PTCHD4: variants seen among roughly 807,000 people sequenced by gnomAD.
PTCHD4 encodes the protein patched domain containing 4, also known as patched domain-containing protein 4.
In PTCHD4, 33 loss-of-function variants were observed where a neutral mutation model predicts 58.1. That is an observed-to-expected ratio of 0.57 (90% CI 0.43 to 0.76). The LOEUF is 0.76. PTCHD4 is among the 30% of genes least tolerant of loss of function. The pLI is 0.00. For synonymous variants in PTCHD4, 478 were observed against 409.6 expected, an observed-to-expected ratio of 1.17 and a Z score of -2.02; for missense variants, 1,058 against 1,027.1, an observed-to-expected ratio of 1.03 and a Z score of -0.41.
intron 4 of PTCHD4, among the ~76,000 whole-genome samples, chr6:47,945,648 T>A (rs1766387893): frequency 6.6e-6 from 1 of 152,002 alleles, no homozygotes; most frequent in African/African-American, 2.4e-5. Context: ...GGTTGAATGA[T>A]GAAGCTGAAG....
At chr6:48,014,105 T>C (rs971537014) in intron 3 of PTCHD4, among the ~76,000 whole-genome samples, 1 of 152,112 alleles carries the variant, frequency 6.6e-6, no homozygotes, top group Admixed American at 6.6e-5. Context: ...ATATAACAAA[T>C]AGAAAGAATT....
intron 4 of PTCHD4, among the ~76,000 whole-genome samples, chr6:47,962,309 C>T (rs1010460797): frequency 5.3e-5 from 8 of 152,190 alleles, no homozygotes; most frequent in South Asian, 2.1e-4. Context: ...ATTCAGGCAA[C>T]GAAGCTTCTG....
chr6:48,089,030 G>A (rs563972639), intron 1 of PTCHD4, among the ~76,000 whole-genome samples: 3 of 152,200 alleles, frequency 2.0e-5, no homozygotes, highest in African/African-American at 7.2e-5. Flanking sequence ...TAGGCAGCAA[G>A]AGTGAAGCTC....
At chr6:48,041,163 G>T (rs10456131) in intron 3 of PTCHD4, among the ~76,000 whole-genome samples, 28,678 of 151,954 alleles carry the variant, frequency 0.19, 3,075 homozygotes, top group South Asian at 0.26. Context: ...AACTGATTTA[G>T]ACCACAGAAT....
chr6:48,053,931 T>TC (rs1242168458), intron 3 of PTCHD4, among the ~76,000 whole-genome samples: 1 of 152,152 alleles, frequency 6.6e-6, no homozygotes, highest in Non-Finnish European at 1.5e-5. Flanking sequence ...AAGCTGAGTT[T>TC]CAGGGAAAGC....
At chr6:47,990,714 T>C (rs958817254) in intron 4 of PTCHD4, among the ~76,000 whole-genome samples, 6 of 152,178 alleles carry the variant, frequency 3.9e-5, no homozygotes, top group Non-Finnish European at 8.8e-5. Context: ...ATCAGCAGTA[T>C]GAAAATGGAC....
At chr6:47,965,816 G>C (rs1367822830) in intron 4 of PTCHD4, among the ~76,000 whole-genome samples, 1 of 152,122 alleles carries the variant, frequency 6.6e-6, no homozygotes, top group East Asian at 1.9e-4. Flanking sequence ...TCGGGAGGCT[G>C]AGGCAGGAGA....
chr6:47,862,926 T>C lies in PTCHD4; in HGVS notation c.*15377A>G, dbSNP rs1163894661. Among the ~76,000 whole-genome samples, 1 of 151,916 alleles carries C rather than the reference T, an allele frequency of 6.6e-6. No individual in the cohort carries two copies. The highest frequency in any genetic ancestry group is 1.5e-5 in the Non-Finnish European group (1 of 67,882). Reference sequence around the variant, plus strand: ...CCCATGGTCAATTATATCTGGGAAATCAAATACTGTCTTTATGCTACTGGA... The same window carrying C: ...CCCATGGTCAATTATATCTGGGAAACCAAATACTGTCTTTATGCTACTGGA... On this transcript the variant is annotated 3_prime_UTR_variant, in exon 5 of 5. Coordinates refer to ENST00000339488, the MANE Select transcript of PTCHD4 (RefSeq NM_001384253.1).
At chr6:47,929,626 T>C (rs1765741921) in intron 4 of PTCHD4, among the ~76,000 whole-genome samples, 1 of 152,228 alleles carries the variant, frequency 6.6e-6, no homozygotes, top group African/African-American at 2.4e-5. Flanking sequence ...GATGTGAAAT[T>C]ATTATTTTCC....
At chr6:47,880,805 C>A (rs1292818514) in intron 4 of PTCHD4, among the ~76,000 whole-genome samples, 1 of 152,184 alleles carries the variant, frequency 6.6e-6, no homozygotes, top group Non-Finnish European at 1.5e-5. Flanking sequence ...AGCTACTGAG[C>A]TGTAATTTTG....
intron 4 of PTCHD4, among the ~76,000 whole-genome samples, chr6:47,903,462 A>T (rs530672296): frequency 5.3e-5 from 8 of 152,050 alleles, no homozygotes; most frequent in Non-Finnish European, 1.2e-4. Context: ...GACTCTAGGC[A>T]TGCACAACCA....
chr6:48,045,208 A>C (rs1009237290), intron 3 of PTCHD4, among the ~76,000 whole-genome samples: 2 of 151,834 alleles, frequency 1.3e-5, no homozygotes, highest in Admixed American at 1.3e-4. Context: ...TGCATGCTGT[A>C]CTTCTAAAAA....
intron 1 of PTCHD4, among the ~76,000 whole-genome samples, chr6:48,103,192 G>A (rs1765644514): frequency 6.6e-6 from 1 of 152,198 alleles, no homozygotes; most frequent in African/African-American, 2.4e-5. Flanking sequence ...GCCTAACTGG[G>A]AGACACCCCC....
In PTCHD4 at chr6:47,872,514, C is replaced by T. The variant is rs910287185; in HGVS notation, c.*5789G>A. ...CAGATAAGTGCAATGAAATCATACA[C>T]AGCAGGAATCACACACCATCAGTGG... On this transcript the variant is annotated 3_prime_UTR_variant, in exon 5 of 5. Coordinates refer to ENST00000339488, the MANE Select transcript of PTCHD4 (RefSeq NM_001384253.1). 6.6e-6 allele frequency among the ~76,000 whole-genome samples: 1 copy of T among 151,646 alleles called. No individual in the cohort carries two copies. Among genetic ancestry groups the T allele is most frequent in the Non-Finnish European group, 1.5e-5 (1 of 67,738 alleles).
chr6:48,032,255 C>T (rs2114134836), intron 3 of PTCHD4, among the ~76,000 whole-genome samples: 2 of 152,192 alleles, frequency 1.3e-5, no homozygotes, highest in East Asian at 3.9e-4. Context: ...CGTAGCCAGA[C>T]ATCTGTAAAG....
At chr6:48,014,063 T>G (rs1439270514) in intron 3 of PTCHD4, among the ~76,000 whole-genome samples, 3 of 152,158 alleles carry the variant, frequency 2.0e-5, no homozygotes, top group African/African-American at 7.2e-5. Context: ...AAGGTACACT[T>G]CTATCCCTCT....
At chr6:47,958,708 A>C (rs568205508) in intron 4 of PTCHD4, among the ~76,000 whole-genome samples, 2 of 152,212 alleles carry the variant, frequency 1.3e-5, no homozygotes, top group African/African-American at 4.8e-5. Flanking sequence ...TGATTAGCAC[A>C]TGTGTGAGAA....
chr6:48,048,529 CA>C (rs2114165264), intron 3 of PTCHD4, among the ~76,000 whole-genome samples: 1 of 152,004 alleles, frequency 6.6e-6, no homozygotes, highest in Admixed American at 6.6e-5. Flanking sequence ...ATCAAGTTAG[CA>C]AATAACATTT....
chr6:47,980,974 T>C (rs999380378), intron 4 of PTCHD4, among the ~76,000 whole-genome samples: 5 of 152,124 alleles, frequency 3.3e-5, no homozygotes, highest in African/African-American at 1.2e-4. Flanking sequence ...AGTTTTTATT[T>C]TGATTCTTCT....
Sources: gnomAD v4.1 joint callset for allele counts (sites outside exome capture counted in the v4.1 genomes callset) on GRCh38, gnomAD v4.1.1 for gene constraint, MANE v1.5 for transcripts, NCBI Gene and HGNC (gene_info 2026-07-23, HGNC 2026-07-21) for gene names.